SLC44A2: variants seen among roughly 807,000 people sequenced by gnomAD.
The protein encoded by SLC44A2 is choline transporter-like protein 2.
A neutral mutation model predicts 90.8 loss-of-function variants in SLC44A2; 57 were observed. That is an observed-to-expected ratio of 0.63 (90% CI 0.51 to 0.78). The LOEUF (loss-of-function observed/expected upper bound fraction) is 0.78, where lower values mean the gene tolerates loss of function less well. SLC44A2 is among the 30% of genes least tolerant of loss of function. The probability of loss-of-function intolerance (pLI) is 0.00; values close to 1 mark genes in which losing one functional copy is unlikely to be tolerated. For missense variants in SLC44A2, 794 were observed against 919.7 expected (o/e 0.86, Z 1.77); for synonymous variants, 355 against 360.7 (o/e 0.98, Z 0.18).
At chr19:10,624,913 G>A (rs1000964667), upstream of SLC44A2, among the ~76,000 whole-genome samples, 1 of 152,136 alleles carries the variant, frequency 6.6e-6, no homozygotes, top group African/African-American at 2.4e-5. Context: ...GGTGGGAGGA[G>A]CCCACGAGTC....
chr19:10,626,048 T>C (rs901684888), intron 1 of SLC44A2, among the ~76,000 whole-genome samples: 3 of 152,224 alleles, frequency 2.0e-5, no homozygotes, highest in African/African-American at 7.2e-5. Context: ...TAGTGATCCC[T>C]CCTTCCTCCC....
In SLC44A2 at chr19:10,625,610, C is replaced by G; in HGVS notation, c.-24C>G. On this transcript the variant is annotated 5_prime_UTR_variant, in exon 1 of 22. Coordinates refer to ENST00000335757, the MANE Select transcript of SLC44A2 (RefSeq NM_020428.4). The stretch of plus-strand genomic sequence containing the variant: ...GGGCGCGGGAGAGAGCGCGGGCGGC[C>G]GCCGGGGCTGGTCGCCTGCAGGGAT... 1 of 1,244,162 alleles carries G rather than the reference C, an allele frequency of 8.0e-7. No individual in the cohort carries two copies. The highest frequency in any genetic ancestry group is 3.8e-5 in the South Asian group (1 of 26,098). 77.1% of individuals were successfully genotyped at this position (1,244,162 alleles called of 1,614,324 possible).
chr19:10,628,078 T>A, intron 4 of SLC44A2, 74 bp downstream of exon 4: 1 of 1,346,778 alleles, frequency 7.4e-7, no homozygotes, highest in Non-Finnish European at 1.0e-6. Flanking sequence ...CCCATCTCTC[T>A]AAGTCCAGTT....
intron 1 of SLC44A2, among the ~76,000 whole-genome samples, chr19:10,605,710 C>T (rs1385488531): frequency 6.6e-6 from 1 of 150,792 alleles, no homozygotes; most frequent in Non-Finnish European, 1.5e-5. Context: ...GACTCTTGGC[C>T]AGGCAAGGAT....
At chr19:10,638,485 C>T (rs2144885149) in intron 20 of SLC44A2, among the ~76,000 whole-genome samples, 170 bp downstream of exon 20, 1 of 152,162 alleles carries the variant, frequency 6.6e-6, no homozygotes, top group Middle Eastern at 3.4e-3. Flanking sequence ...GCCCTGTCGC[C>T]CTGACTGGAG....
At chr19:10,607,437 A>G (rs901269098) in intron 1 of SLC44A2, among the ~76,000 whole-genome samples, 8 of 151,854 alleles carry the variant, frequency 5.3e-5, no homozygotes, top group Non-Finnish European at 1.0e-4. Flanking sequence ...CGCAGCCTCA[A>G]ATTCCTGGGC....
Position 10,638,232 on chromosome 19 carries a change from C to A in SLC44A2, c.1846C>A (p.Leu616Met). Residue 616 changes from leucine to methionine, a missense_variant, in exon 20 of 22, where the codon CTG becomes ATG. This residue lies in a region of SLC44A2 where 738 missense variants were observed against 841.1 expected (regional missense o/e 0.88). Coordinates refer to ENST00000335757, the MANE Select transcript of SLC44A2 (RefSeq NM_020428.4). ...KLLIVGSVGI[L>M]AFFFFTHRIR... is the part of the protein sequence containing the mutation. ...GCTTTCTTCTCCTTCTCCAGGGATCCTGGCTTTCTTCTTCTTCACCCACCG... is the reference window on the plus strand; with the variant it reads ...GCTTTCTTCTCCTTCTCCAGGGATCATGGCTTTCTTCTTCTTCACCCACCG... 6.2e-7 allele frequency: 1 copy of A among 1,614,088 alleles called. No individual in the cohort carries two copies.
At chr19:10,619,042 G>A (rs2066878361) in intron 1 of SLC44A2, among the ~76,000 whole-genome samples, 1 of 139,998 alleles carries the variant, frequency 7.1e-6, no homozygotes, top group Non-Finnish European at 1.5e-5. Context: ...ACAGCTCCCT[G>A]AAACCTGAAC....
upstream of SLC44A2, among the ~76,000 whole-genome samples, chr19:10,621,325 C>T (rs2144829904): frequency 6.7e-6 from 1 of 149,864 alleles, no homozygotes; most frequent in South Asian, 2.1e-4. Flanking sequence ...GCACTCCAGC[C>T]TGGGCGACAG....
chr19:10,610,658 A>C lies in SLC44A2; in HGVS notation c.31+8097A>C, dbSNP rs1209565683. Among the ~76,000 whole-genome samples the C allele has an allele frequency of 9.6e-5, 3 of 31,124 alleles. No homozygotes were observed. The East Asian group carries it at 3.1e-3, about 32-fold the overall frequency. 20.4% of individuals were successfully genotyped at this position (31,124 alleles called of 152,430 possible). On this transcript the variant is annotated intron_variant, in intron 1 of 21. Transcript: ENST00000407327. ...TTTTTTTTTTTTTTTTTTTTTTTTG[A>C]GATGGAGTTTCACTCTTGTTGCCCA...
At chr19:10,621,424 T>TG (rs1308920973), upstream of SLC44A2, among the ~76,000 whole-genome samples, 3 of 139,064 alleles carry the variant, frequency 2.2e-5, no homozygotes, top group African/African-American at 5.3e-5. Flanking sequence ...GGTTGGGTGT[T>TG]TTTTTTTTTT....
At chr19:10,640,638 G>C (rs889599531) in intron 20 of SLC44A2, among the ~76,000 whole-genome samples, 1 of 152,156 alleles carries the variant, frequency 6.6e-6, no homozygotes, top group African/African-American at 2.4e-5. Flanking sequence ...CAGCTACCAA[G>C]GCCGTGTGAG....
rs146127348 is a variant in SLC44A2, at chr19:10,632,065, G to A, written c.732G>A (p.Ala244=). The change falls in exon 10 of 22, where the codon GCG becomes GCA. Residue 244 remains alanine, a synonymous_variant. Transcript: ENST00000335757. ...CCAGAGGCCTGGTCATTGCCATGGC[G>A]ATGAGCCTCCTGTTCATCATCCTGC... ...WIIIGLVIAM[A]MSLLFIILLR... 2.4e-4 allele frequency: 385 copies of A among 1,614,110 alleles called. No individual in the cohort carries two copies. The African/African-American group carries it at 4.5e-3, about 19-fold the overall frequency.
intron 16 of SLC44A2, 32 bp from the exon 17 acceptor site, chr19:10,637,612 C>T: frequency 1.3e-6 from 2 of 1,599,094 alleles, no homozygotes; most frequent in Non-Finnish European, 1.7e-6. Context: ...CTGGTGTCCC[C>T]TCACTTCCAC....
chr19:10,628,061 G>T, intron 4 of SLC44A2, 57 bp downstream of exon 4: 1 of 1,455,668 alleles, frequency 6.9e-7, no homozygotes, highest in Non-Finnish European at 9.5e-7. Context: ...GAAGATTCTA[G>T]GCATTCCCCA....
upstream of SLC44A2, chr19:10,625,474 C>T: frequency 1.6e-6 from 2 of 1,218,316 alleles, no homozygotes; most frequent in Non-Finnish European, 2.0e-6. Flanking sequence ...GGGCAGCTGC[C>T]CAGCTCGGGC....
chr19:10,606,407 G>A (rs1328192513), intron 1 of SLC44A2, among the ~76,000 whole-genome samples: 1 of 152,084 alleles, frequency 6.6e-6, no homozygotes, highest in Non-Finnish European at 1.5e-5. Context: ...CGGGTGTGGT[G>A]GCTCACGCCT....
In SLC44A2 at chr19:10,642,869, C is replaced by G. The variant is rs1206635789; in HGVS notation, c.2015-410C>G. 4 of 1,557,774 alleles carry G rather than the reference C, an allele frequency of 2.6e-6. No individual in the cohort carries two copies. In the African/African-American group the frequency reaches 5.4e-5, roughly 21 times the overall value. On this transcript the variant is annotated intron_variant, in intron 21 of 21. Transcript: ENST00000335757. Reference sequence around the variant, plus strand: ...CTCCCTTCCCGACCACCCCATTTTCCCCCTGCCGGTTCCCGGGGGGAGCCC... The same window carrying G: ...CTCCCTTCCCGACCACCCCATTTTCGCCCTGCCGGTTCCCGGGGGGAGCCC...
At chr19:10,615,627 G>A (rs1047143037) in intron 1 of SLC44A2, among the ~76,000 whole-genome samples, 4 of 151,806 alleles carry the variant, frequency 2.6e-5, no homozygotes, top group Admixed American at 1.3e-4. Flanking sequence ...AAGAGGAAGA[G>A]GAAGGGGAGG....
Sources: gnomAD v4.1 joint callset for allele counts (sites outside exome capture counted in the v4.1 genomes callset) on GRCh38, gnomAD v4.1.1 for gene constraint, gnomAD v4.1.1 regional missense constraint, MANE v1.5 for transcripts, NCBI Gene and HGNC (gene_info 2026-07-23, HGNC 2026-07-21) for gene names.